Variants in VILL observed in about 807,000 individuals in gnomAD.
The protein encoded by VILL is villin-like protein.
In VILL, 102 loss-of-function variants were observed where a neutral mutation model predicts 106.3. That is an observed-to-expected ratio of 0.96 (90% CI 0.82 to 1.13). The LOEUF (loss-of-function observed/expected upper bound fraction) is 1.13. Ranked by LOEUF, VILL falls within the 50% of genes most tolerant of loss-of-function variation. VILL has a pLI of 0.00. For missense variants in VILL, 1,076 were observed against 1,116.6 expected (o/e 0.96, Z 0.52); for synonymous variants, 431 against 440.3 (o/e 0.98, Z 0.27).
intron 16 of VILL, among the ~76,000 whole-genome samples, chr3:38,005,502 C>T (rs1463481072): frequency 1.3e-5 from 2 of 152,110 alleles, no homozygotes; most frequent in Non-Finnish European, 2.9e-5. Context: ...GACCAATGCC[C>T]GGCACACAGT....
chr3:38,000,198 G>C (rs1032656434), intron 11 of VILL, among the ~76,000 whole-genome samples: 21 of 152,234 alleles, frequency 1.4e-4, no homozygotes, highest in African/African-American at 3.9e-4. Context: ...CCTAGTTCTC[G>C]AGGTAGGTGG....
intron 14 of VILL, 189 bp from the exon 15 acceptor site, chr3:38,002,979 G>A (rs759908657): frequency 9.5e-6 from 7 of 735,478 alleles, no homozygotes; most frequent in Admixed American, 9.2e-5. Context: ...CAGACCCTGC[G>A]ATCCAGATCA....
In VILL at chr3:37,998,947, C is replaced by T; in HGVS notation, c.978C>T (p.Thr326=). 6.2e-7 allele frequency: 1 copy of T among 1,610,422 alleles called. No homozygotes were observed. The highest frequency in any genetic ancestry group is 8.5e-7 in the Non-Finnish European group (1 of 1,178,234). ...FIQAKGYPTY[T]NVEVVNDGAE... is the part of the protein sequence containing the mutation. ...AGGCCAAGGGCTACCCGACCTACAC[C>T]AACGTGGAGGTGGTGAACGACGGCG... The change falls in exon 10 of 20, where the codon ACC becomes ACT. Residue 326 remains threonine (T), a synonymous_variant. Coordinates refer to ENST00000383759, the MANE Select transcript of VILL (RefSeq NM_015873.4). The surrounding 1 kb of genome is among the most constrained non-coding windows in gnomAD (Gnocchi z 4.1).
Position 38,005,943 on chromosome 3 carries a change from G to C in VILL, c.2102G>C (p.Trp701Ser). 6.2e-7 allele frequency: 1 copy of C among 1,613,670 alleles called. No homozygotes were observed. Among genetic ancestry groups the C allele is most frequent in the Non-Finnish European group, 8.5e-7 (1 of 1,179,686 alleles). ...CATGAGCCTCCCACCTTCATTGGAT[G>C]GTTCTTCACTTGGGACCCCTACAAG... The part of the protein sequence containing the change: ...QGHEPPTFIG[W>S]FFTWDPYKWT... The change falls in exon 17 of 20, where the codon TGG (tryptophan) becomes TCG (serine). Residue 701 changes from tryptophan to serine, a missense_variant. Physicochemically the swap from Trp to Ser is radical, Grantham distance 177. Transcript: ENST00000383759.
At chr3:37,994,088 C>A in intron 3 of VILL, 116 bp downstream of exon 3, 1 of 1,466,878 alleles carries the variant, frequency 6.8e-7, no homozygotes, top group Non-Finnish European at 9.5e-7. Flanking sequence ...CGGAGAATCA[C>A]ATCCCACAAG....
rs750006183 is a variant in VILL, at chr3:38,003,200, G to A, written c.1692G>A (p.Arg564=). 12 of 1,613,928 alleles carry A rather than the reference G, an allele frequency of 7.4e-6. No individual in the cohort carries two copies. In the East Asian group the frequency reaches 2.7e-4, roughly 36 times the overall value. The change falls in exon 15 of 20, where the codon CGG becomes CGA. Residue 564 remains arginine, a synonymous_variant. Transcript: ENST00000383759. ...ATGGTGATCAGCGTGAGATGGCACG[G>A]GTGGTGGTCACTGTCATTTCCAGGA... ...GCNGDQREMA[R]VVVTVISRKN... is the part of the protein sequence containing the mutation.
chr3:38,005,618 C>G (rs1699902124), intron 16 of VILL, among the ~76,000 whole-genome samples, 174 bp from the exon 17 acceptor site: 1 of 152,158 alleles, frequency 6.6e-6, no homozygotes, highest in Non-Finnish European at 1.5e-5. Flanking sequence ...ATTCCTGTGA[C>G]CTTCTCGTGT....
At chr3:37,992,980 A>G (rs904921309) in intron 1 of VILL, among the ~76,000 whole-genome samples, 3 of 152,168 alleles carry the variant, frequency 2.0e-5, no homozygotes, top group Admixed American at 6.5e-5. Flanking sequence ...AAGGACTAAC[A>G]CACCAGGGTC....
intron 10 of VILL, 109 bp from the exon 11 acceptor site, chr3:37,999,230 G>A (rs1261797420): frequency 1.7e-6 from 2 of 1,197,776 alleles, no homozygotes; most frequent in Admixed American, 3.3e-5. Context: ...GGCTGCGGAG[G>A]ACGCGGCGGG....
At chr3:38,002,938 C>T in intron 14 of VILL, 1 of 561,204 alleles carries the variant, frequency 1.8e-6, no homozygotes, top group African/African-American at 1.9e-5. Context: ...TGGGGGCCTC[C>T]TATCCCATGC....
chr3:37,998,929 G>C lies in VILL; in HGVS notation c.960G>C (p.Lys320Asn). The C allele has an allele frequency of 2.5e-6, 4 of 1,607,318 alleles. No individual in the cohort carries two copies. Among genetic ancestry groups the C allele is most frequent in the Admixed American group, 1.7e-5 (1 of 59,818 alleles). The change falls in exon 10 of 20, where the codon AAG (lysine) becomes AAC (asparagine). Residue 320 changes from lysine (K) to asparagine (N), a missense_variant. By Grantham distance (94) the Lys-to-Asn change is moderately conservative. Coordinates refer to ENST00000383759, the MANE Select transcript of VILL (RefSeq NM_015873.4). This position sits in a 1 kb window ranked among gnomAD's most constrained non-coding sequence, Gnocchi z 4.1. ...CGCCCCAGGGCTTCATCCAGGCCAA[G>C]GGCTACCCGACCTACACCAACGTGG... ...FSRAVGFIQA[K>N]GYPTYTNVEV...
At position 37,993,743 on chromosome 3, in the gene VILL, C is replaced by T. The variant is rs367753432; in HGVS notation, c.60+11C>T. On this transcript the variant is annotated intron_variant, in intron 2 of 19. Coordinates refer to ENST00000383759, the MANE Select transcript of VILL (RefSeq NM_015873.4). ...ATATGGATCTCTGAGGTGAGAGGCA[C>T]GACCAAATAGGAGAGTTGGTGACAT... The T allele has an allele frequency of 7.6e-5, 122 of 1,613,870 alleles. 1 individual carries two copies. The Middle Eastern group carries it at 5.4e-3, about 72-fold the overall frequency.
Position 37,993,627 on chromosome 3 carries a change from CT to C in VILL, c.-45del. On this transcript the variant is annotated 5_prime_UTR_variant, in exon 2 of 20. Coordinates refer to ENST00000383759, the MANE Select transcript of VILL (RefSeq NM_015873.4). ...GGTGTCGGTCTCCAGCCTGAGAACT[CT>C]GGCTGTTGTTCCTTGTGTCGTCCCA... 14 of 1,597,072 alleles carry C rather than the reference CT, an allele frequency of 8.8e-6. No individual in the cohort carries two copies. Among genetic ancestry groups the C allele is most frequent in the Admixed American group, 5.1e-5 (3 of 58,606 alleles).
chr3:38,004,843 C>T (rs1367197410), intron 16 of VILL, among the ~76,000 whole-genome samples: 2 of 152,166 alleles, frequency 1.3e-5, no homozygotes, highest in African/African-American at 2.4e-5. Flanking sequence ...TGTGAGGTCA[C>T]GTGATGCTAG....
At chr3:38,003,053 T>G in intron 14 of VILL, 115 bp from the exon 15 acceptor site, 2 of 1,334,368 alleles carry the variant, frequency 1.5e-6, no homozygotes, top group Non-Finnish European at 2.0e-6. Context: ...GCTGTCAGCT[T>G]AGGCCTCCTG....
In VILL at chr3:37,999,056, C is replaced by T. The variant is rs974199164; in HGVS notation, c.1081+6C>T. 1.7e-4 allele frequency: 65 copies of T among 388,554 alleles called. No homozygotes were observed. The highest frequency in any genetic ancestry group is 2.2e-4 in the Non-Finnish European group (54 of 244,766). 24.1% of individuals were successfully genotyped at this position (388,554 alleles called of 1,614,324 possible). A position where few individuals can be genotyped will look rare whatever the true frequency, so the allele number is the denominator to read the frequency against. On this transcript the variant is annotated splice_donor_region_variant and intron_variant, in intron 10 of 19. Coordinates refer to ENST00000383759, the MANE Select transcript of VILL (RefSeq NM_015873.4). ...CCAGAAGCTCGGCGGGAGGGGTGAGCGGGCGGGGCGGGGCTGACGGGGGCG... is the reference window on the plus strand; with the variant it reads ...CCAGAAGCTCGGCGGGAGGGGTGAGTGGGCGGGGCGGGGCTGACGGGGGCG...
At chr3:38,005,434 C>T (rs1368721490) in intron 16 of VILL, among the ~76,000 whole-genome samples, 1 of 152,170 alleles carries the variant, frequency 6.6e-6, no homozygotes, top group Non-Finnish European at 1.5e-5. Flanking sequence ...CTCATGAAAG[C>T]TCTATAAGGG....
At position 37,994,270 on chromosome 3, in the gene VILL, A is replaced by T; in HGVS notation, c.145A>T (p.Ser49Cys). The change falls in exon 4 of 20, where the codon AGC (serine) becomes TGC (cysteine). Residue 49 changes from serine (S) to cysteine (C), a missense_variant. By Grantham distance (112) the Ser-to-Cys change is moderately radical (BLOSUM62 -1). Transcript: ENST00000383759. ...AACACCCGGACCCTAGGTCCCCCAG[A>T]GCCCGAAGGCCACGCAGGGGGCGTC... is the stretch of plus-strand genomic sequence containing the variant. Reference protein sequence around the residue: ...HCYVILHVPQSPKATQGASSD... With the variant: ...HCYVILHVPQCPKATQGASSD... 6.2e-7 allele frequency: 1 copy of T among 1,608,548 alleles called. No homozygotes were observed. Among genetic ancestry groups the T allele is most frequent in the Non-Finnish European group, 8.5e-7 (1 of 1,179,192 alleles).
intron 5 of VILL, 102 bp from the exon 6 acceptor site, chr3:37,996,974 CA>C: frequency 1.0e-6 from 1 of 956,528 alleles, no homozygotes; most frequent in Non-Finnish European, 1.7e-6. Context: ...TACGTACACC[CA>C]GTTTGCATAC....
Sources: gnomAD v4.1 joint callset for allele counts (sites outside exome capture counted in the v4.1 genomes callset) on GRCh38, gnomAD v4.1.1 for gene constraint, Gnocchi (gnomAD v3.1) non-coding constraint, MANE v1.5 for transcripts, NCBI Gene and HGNC (gene_info 2026-07-23, HGNC 2026-07-21) for gene names.